ZDHHC24: variants seen among roughly 807,000 people sequenced by gnomAD.
The protein encoded by ZDHHC24 is zDHHC palmitoyltransferase 24, also known as probable palmitoyltransferase ZDHHC24.
Under a neutral mutation model 23.2 loss-of-function variants are expected in ZDHHC24, and 17 were observed. That is an observed-to-expected ratio of 0.73 (90% CI 0.50 to 1.10). ZDHHC24 has a LOEUF of 1.10. ZDHHC24 is among the 50% of genes least tolerant of loss of function. The probability of loss-of-function intolerance (pLI) is 0.00; values close to 1 mark genes in which losing one functional copy is unlikely to be tolerated. For missense variants in ZDHHC24, 366 were observed against 393.0 expected, an observed-to-expected ratio of 0.93 and a Z score of 0.58; for synonymous variants, 186 against 194.5, an observed-to-expected ratio of 0.96 and a Z score of 0.36.
chr11:66,529,830 G>A (rs1856691081), intron 2 of ZDHHC24: 1 of 1,611,156 alleles, frequency 6.2e-7, no homozygotes, highest in Admixed American at 1.7e-5. Flanking sequence ...CATGCACCGG[G>A]CCTTCCAGAC....
intron 3 of ZDHHC24, chr11:66,527,103 A>T: frequency 7.5e-7 from 1 of 1,324,672 alleles, no homozygotes; most frequent in Non-Finnish European, 1.0e-6. Flanking sequence ...TTGACTGGGC[A>T]TGGTGGCTCA....
intron 2 of ZDHHC24, among the ~76,000 whole-genome samples, chr11:66,540,501 G>A (rs1248482213): frequency 4.6e-5 from 7 of 151,196 alleles, no homozygotes; most frequent in South Asian, 2.1e-4. Context: ...AGGCCGAGGC[G>A]GGTGGATCAC....
chr11:66,522,045 A>T (rs1291262583), intron 4 of ZDHHC24, among the ~76,000 whole-genome samples: 5 of 146,814 alleles, frequency 3.4e-5, no homozygotes, highest in Non-Finnish European at 7.5e-5. Context: ...GTGAAACCCC[A>T]TCTCTACTAA....
At chr11:66,541,871 C>T (rs1362094756) in intron 2 of ZDHHC24, among the ~76,000 whole-genome samples, 1 of 151,892 alleles carries the variant, frequency 6.6e-6, no homozygotes, top group Non-Finnish European at 1.5e-5. Context: ...AGGGAATGAG[C>T]AGCCATGAGC....
downstream of ZDHHC24, among the ~76,000 whole-genome samples, chr11:66,533,921 C>T (rs1290590222): frequency 6.6e-6 from 1 of 152,258 alleles, no homozygotes; most frequent in Non-Finnish European, 1.5e-5. Context: ...GTAATCCCAG[C>T]ACTTTGGGAG....
chr11:66,533,299 T>C (rs1856856613), downstream of ZDHHC24: 4 of 152,232 alleles, frequency 2.6e-5, no homozygotes, highest in South Asian at 6.2e-4. Context: ...AATTACACAG[T>C]TTGTAACAAG....
intron 2 of ZDHHC24, among the ~76,000 whole-genome samples, chr11:66,541,011 G>A (rs1337602077): frequency 2.6e-5 from 4 of 152,164 alleles, no homozygotes; most frequent in Non-Finnish European, 4.4e-5. Flanking sequence ...TGGGTACGGG[G>A]TTTCTTTTTA....
At chr11:66,535,517 A>G (rs532445509), downstream of ZDHHC24, among the ~76,000 whole-genome samples, 8 of 152,186 alleles carry the variant, frequency 5.3e-5, no homozygotes, top group Admixed American at 2.0e-4. Flanking sequence ...TTTTGCAGAG[A>G]CAGGGTCTCA....
chr11:66,524,966 C>T (rs546141545), intron 4 of ZDHHC24, among the ~76,000 whole-genome samples: 15 of 151,906 alleles, frequency 9.9e-5, no homozygotes, highest in African/African-American at 1.9e-4. Context: ...TTTGGGAGGC[C>T]GAGGCAGGCA....
At position 66,545,869 on chromosome 11, in the gene ZDHHC24, C is replaced by T; in HGVS notation, c.135G>A (p.Pro45=). ...YVLVLGPGPP[P]LGPLARALQL... is the part of the protein sequence containing the mutation. Reference sequence around the variant, plus strand: ...GCAAGGCCCGGGCCAGGGGTCCCAGCGGCGGCGGCCCGGGACCGAGCACCA... The same window carrying T: ...GCAAGGCCCGGGCCAGGGGTCCCAGTGGCGGCGGCCCGGGACCGAGCACCA... The change falls in exon 1 of 3, where the codon CCG becomes CCA. Residue 45 remains proline, a synonymous_variant. Coordinates refer to ENST00000310442, the MANE Select transcript of ZDHHC24 (RefSeq NM_207340.3). This position sits in a 1 kb window ranked among gnomAD's most constrained non-coding sequence, Gnocchi z 4.5. 2 of 1,548,302 alleles carry T rather than the reference C, an allele frequency of 1.3e-6. No homozygotes were observed. The highest frequency in any genetic ancestry group is 1.2e-5 in the South Asian group (1 of 85,464).
chr11:66,533,081 T>C (rs1485341539), downstream of ZDHHC24: 1 of 152,186 alleles, frequency 6.6e-6, no homozygotes, highest in Non-Finnish European at 1.5e-5. Flanking sequence ...TGTAAGTTTA[T>C]ATAATGTAAT....
At chr11:66,527,323 A>G (rs1021830513) in intron 3 of ZDHHC24, among the ~76,000 whole-genome samples, 1 of 151,840 alleles carries the variant, frequency 6.6e-6, no homozygotes, top group African/African-American at 2.4e-5. Flanking sequence ...TCATTCATTC[A>G]TTCAGTACCT....
At position 66,536,136 on chromosome 11, in the gene ZDHHC24, C is replaced by CT. The variant is rs1856956235; in HGVS notation, c.*3392dup. ...CGGAATGACTGAAACAGGACAGTGT[C>CT]TCCCCCACCAGGAAGGGGCAACAGC... On this transcript the variant is annotated 3_prime_UTR_variant, in exon 3 of 3. Coordinates refer to ENST00000310442, the MANE Select transcript of ZDHHC24 (RefSeq NM_207340.3). 6.6e-6 allele frequency: 1 copy of CT among 152,348 alleles called. No homozygotes were observed. The highest frequency in any genetic ancestry group is 2.4e-5 in the African/African-American group (1 of 41,462). The allele number at this position is 152,348 out of a possible 1,614,324, so 9.4% of individuals were successfully genotyped here. A position where few individuals can be genotyped will look rare whatever the true frequency, so the allele number is the denominator to read the frequency against.
At chr11:66,526,549 A>C in intron 4 of ZDHHC24, 1 of 1,489,964 alleles carries the variant, frequency 6.7e-7, no homozygotes, top group Non-Finnish European at 9.4e-7. Flanking sequence ...GGATGTGTAC[A>C]GAAGCAACTC....
At position 66,539,419 on chromosome 11, in the gene ZDHHC24, G is replaced by A. The variant is rs1200047104; in HGVS notation, c.*110C>T. On this transcript the variant is annotated 3_prime_UTR_variant, in exon 3 of 3. Transcript: ENST00000310442. ...CAGGGGCAAGGCCAAGGAAGGGGTGGAGTTGTCCAATGCAGATGTTAAGGT... is the reference window on the plus strand; with the variant it reads ...CAGGGGCAAGGCCAAGGAAGGGGTGAAGTTGTCCAATGCAGATGTTAAGGT... 1 of 1,399,836 alleles carries A rather than the reference G, an allele frequency of 7.1e-7. No individual in the cohort carries two copies. The highest frequency in any genetic ancestry group is 1.5e-5 in the African/African-American group (1 of 68,300). 86.7% of individuals were successfully genotyped at this position (1,399,836 alleles called of 1,614,324 possible).
intron 2 of ZDHHC24, among the ~76,000 whole-genome samples, chr11:66,540,985 A>T (rs1030678778): frequency 6.6e-6 from 1 of 152,214 alleles, no homozygotes; most frequent in Non-Finnish European, 1.5e-5. Flanking sequence ...AGGGAGGAAC[A>T]TGGAGGGACC....
intron 2 of ZDHHC24, among the ~76,000 whole-genome samples, 181 bp from the exon 3 acceptor site, chr11:66,540,005 C>G (rs921664194): frequency 2.6e-5 from 4 of 152,200 alleles, no homozygotes; most frequent in African/African-American, 9.7e-5. Context: ...GACGCAGCCC[C>G]CTACTTGGGA....
chr11:66,532,293 C>T (rs1388651973), downstream of ZDHHC24: 2 of 545,076 alleles, frequency 3.7e-6, no homozygotes, highest in African/African-American at 1.9e-5. Flanking sequence ...CTCCCCTCCC[C>T]AGCCTTTTCC....
At chr11:66,521,841 G>A (rs546572423) in intron 4 of ZDHHC24, among the ~76,000 whole-genome samples, 141 of 140,496 alleles carry the variant, frequency 1.0e-3, no homozygotes, top group Non-Finnish European at 1.9e-3. Flanking sequence ...GGAGGCGGAG[G>A]TTGCAGTGAG....
Sources: allele counts gnomAD v4.1 joint callset (sites outside exome capture counted in the v4.1 genomes callset), GRCh38; gene constraint gnomAD v4.1.1; non-coding constraint Gnocchi (gnomAD v3.1); transcripts MANE v1.5; gene names NCBI Gene and HGNC (gene_info 2026-07-23, HGNC 2026-07-21).